The following LDB2 variants were observed in gnomAD, a reference collection of about 807,000 sequenced individuals.
The protein encoded by LDB2 is LIM domain binding 2.
LDB2 carries 12 observed loss-of-function variants against 44.3 expected under a neutral mutation model. The observed-to-expected ratio is 0.27, with a 90% confidence interval of 0.17 to 0.44. The LOEUF (loss-of-function observed/expected upper bound fraction) is 0.44. Among genes scored for constraint, LDB2 ranks in the 20% least tolerant of loss-of-function variants. The pLI, the probability that LDB2 is intolerant of heterozygous loss-of-function variation, is 1.00. For synonymous variants in LDB2, 164 were observed against 174.8 expected, an observed-to-expected ratio of 0.94 and a Z score of 0.49; for missense variants, 344 against 473.5, an observed-to-expected ratio of 0.73 and a Z score of 2.54.
chr4:16,584,849 T>A lies in LDB2; in HGVS notation c.615+1073A>T, dbSNP rs145469761. Among the ~76,000 whole-genome samples the A allele has an allele frequency of 2.0e-3, 308 of 152,250 alleles. 1 individual carries two copies. Among genetic ancestry groups the A allele is most frequent in the African/African-American group, 7.0e-3 (292 of 41,538 alleles). On this transcript the variant is annotated intron_variant, in intron 5 of 7. Coordinates refer to ENST00000304523, the MANE Select transcript of LDB2 (RefSeq NM_001290.5). ...AGGAAATTTGATGTTTATTAATCTG[T>A]GTTAAATGCAGCTAAAAGATGTAAC...
chr4:16,777,618 G>C (rs902654992), intron 1 of LDB2, among the ~76,000 whole-genome samples: 2 of 152,152 alleles, frequency 1.3e-5, no homozygotes, highest in Non-Finnish European at 2.9e-5. Context: ...GATCAATTTA[G>C]AGTTCTAGGT....
chr4:16,699,902 C>A (rs1358027547), intron 2 of LDB2, among the ~76,000 whole-genome samples: 1 of 152,092 alleles, frequency 6.6e-6, no homozygotes, highest in Non-Finnish European at 1.5e-5. Flanking sequence ...GTAGGGGGGC[C>A]AGATTTAGCA....
At chr4:16,564,653 T>G (rs1743831289) in intron 5 of LDB2, among the ~76,000 whole-genome samples, 1 of 152,224 alleles carries the variant, frequency 6.6e-6, no homozygotes, top group African/African-American at 2.4e-5. Context: ...TCCATTGCTT[T>G]GGAATATTAT....
intron 5 of LDB2, among the ~76,000 whole-genome samples, chr4:16,570,676 A>AGACTT (rs1269226813): frequency 3.3e-5 from 5 of 151,848 alleles, no homozygotes; most frequent in Non-Finnish European, 4.4e-5. Flanking sequence ...TAATCAGGAG[A>AGACTT]GACTTCTTGG....
At position 16,732,898 on chromosome 4, in the gene LDB2, A is replaced by C. The variant is rs1187165800; in HGVS notation, c.235+26260T>G. Among the ~76,000 whole-genome samples, 3 of 152,130 alleles carry C rather than the reference A, an allele frequency of 2.0e-5. No homozygotes were observed. The East Asian group carries it at 5.8e-4, about 29-fold the overall frequency. ...AATTATGCAAATCCACCCACTTCCT[A>C]CCTAGCTACTGTTTCTCTGCATCGG... On this transcript the variant is annotated intron_variant, in intron 2 of 7. Coordinates refer to ENST00000304523, the MANE Select transcript of LDB2 (RefSeq NM_001290.5).
At chr4:16,700,092 C>T (rs1753116050) in intron 2 of LDB2, among the ~76,000 whole-genome samples, 1 of 152,072 alleles carries the variant, frequency 6.6e-6, no homozygotes, top group Admixed American at 6.6e-5. Flanking sequence ...ATTAAAAAAT[C>T]CAAAATCCAG....
intron 2 of LDB2, chr4:16,752,353 C>A (rs773709880): frequency 2.3e-5 from 10 of 436,454 alleles, no homozygotes; most frequent in Non-Finnish European, 4.1e-5. Flanking sequence ...ATCTCACCCT[C>A]TGTTGGACAG....
At chr4:16,511,320 G>T (rs1721650922) in intron 6 of LDB2, among the ~76,000 whole-genome samples, 1 of 152,192 alleles carries the variant, frequency 6.6e-6, no homozygotes, top group South Asian at 2.1e-4. Context: ...AATTAATGAT[G>T]ACTTGAATCG....
intron 2 of LDB2, among the ~76,000 whole-genome samples, chr4:16,681,485 C>G (rs763528798): frequency 6.6e-6 from 1 of 152,046 alleles, no homozygotes; most frequent in Non-Finnish European, 1.5e-5. Context: ...GGACTTCTGA[C>G]CTACAAAACT....
intron 2 of LDB2, among the ~76,000 whole-genome samples, chr4:16,665,843 A>C (rs1220379332): frequency 6.6e-6 from 1 of 152,218 alleles, no homozygotes. Flanking sequence ...TCTAATGACA[A>C]GTCCTTATAG....
intron 2 of LDB2, among the ~76,000 whole-genome samples, chr4:16,654,146 A>T (rs1171589453): frequency 2.0e-5 from 3 of 152,216 alleles, no homozygotes; most frequent in Non-Finnish European, 2.9e-5. Context: ...AGTGCAGACA[A>T]ATATTTGAGG....
intron 2 of LDB2, among the ~76,000 whole-genome samples, chr4:16,692,852 A>T (rs987714100): frequency 3.3e-5 from 5 of 152,238 alleles, no homozygotes; most frequent in Admixed American, 6.5e-5. Context: ...ATATGTACAC[A>T]TGAAAAGCAT....
At chr4:16,780,932 G>A (rs904775429) in intron 1 of LDB2, among the ~76,000 whole-genome samples, 9 of 152,208 alleles carry the variant, frequency 5.9e-5, no homozygotes, top group East Asian at 5.8e-4. Context: ...CTTGGACTCC[G>A]GGCTGTTGGA....
At chr4:16,896,165 A>C (rs1374429866) in intron 1 of LDB2, among the ~76,000 whole-genome samples, 1 of 152,198 alleles carries the variant, frequency 6.6e-6, no homozygotes, top group East Asian at 1.9e-4. Flanking sequence ...GGGAGGTTTA[A>C]AAAAATCTTT....
At chr4:16,728,261 C>A (rs1288689821) in intron 2 of LDB2, among the ~76,000 whole-genome samples, 1 of 152,048 alleles carries the variant, frequency 6.6e-6, no homozygotes, top group Non-Finnish European at 1.5e-5. Context: ...AGAGTAAATC[C>A]TTCATGCAAC....
At chr4:16,515,545 A>C (rs1207932392) in intron 5 of LDB2, among the ~76,000 whole-genome samples, 2 of 152,260 alleles carry the variant, frequency 1.3e-5, no homozygotes, top group Non-Finnish European at 2.9e-5. Flanking sequence ...TTCCACAGTC[A>C]TCTGTGCAAG....
intron 5 of LDB2, among the ~76,000 whole-genome samples, chr4:16,532,687 C>G (rs1268047464): frequency 6.6e-6 from 1 of 152,196 alleles, no homozygotes; most frequent in Non-Finnish European, 1.5e-5. Flanking sequence ...CCCCATTACC[C>G]TAATAGACCA....
intron 1 of LDB2, among the ~76,000 whole-genome samples, chr4:16,787,295 C>G (rs1481910095): frequency 6.6e-6 from 1 of 151,990 alleles, no homozygotes; most frequent in African/African-American, 2.4e-5. Context: ...TGGAGGAATG[C>G]CAATAATAAA....
At chr4:16,823,614 C>T (rs1201222784) in intron 1 of LDB2, among the ~76,000 whole-genome samples, 1 of 152,176 alleles carries the variant, frequency 6.6e-6, no homozygotes, top group Non-Finnish European at 1.5e-5. Flanking sequence ...ACCCATAGTA[C>T]CAGGCTTCGT....
Sources: allele counts gnomAD v4.1 joint callset (sites outside exome capture counted in the v4.1 genomes callset), GRCh38; gene constraint gnomAD v4.1.1; transcripts MANE v1.5; gene names NCBI Gene and HGNC (gene_info 2026-07-23, HGNC 2026-07-21).